The following PRKCA variants were observed in gnomAD, a reference collection of about 807,000 sequenced individuals.
PRKCA encodes protein kinase C alpha type.
PRKCA carries 27 observed loss-of-function variants against 87.0 expected under a neutral mutation model. The ratio of observed to expected loss-of-function variants is 0.31; its 90% CI spans 0.23 to 0.43. The LOEUF is 0.43. Among genes scored for constraint, PRKCA ranks in the 20% least tolerant of loss-of-function variants. The pLI is 1.00. For missense variants in PRKCA, 518 were observed against 852.3 expected (o/e 0.61, Z 4.88); for synonymous variants, 329 against 311.1 (o/e 1.06, Z -0.61).
intron 2 of PRKCA, among the ~76,000 whole-genome samples, chr17:66,470,151 T>C (rs2144010076): frequency 6.7e-6 from 1 of 149,816 alleles, no homozygotes; most frequent in East Asian, 2.0e-4. Context: ...TCCCCTGACA[T>C]ATTTCAGAGC....
chr17:66,565,341 A>G (rs1968856212), intron 3 of PRKCA, among the ~76,000 whole-genome samples: 1 of 152,110 alleles, frequency 6.6e-6, no homozygotes, highest in African/African-American at 2.4e-5. Flanking sequence ...TCTAAAGTTC[A>G]ATTTGCATTG....
intron 3 of PRKCA, among the ~76,000 whole-genome samples, chr17:66,603,305 G>A (rs1409133729): frequency 6.6e-6 from 1 of 152,158 alleles, no homozygotes; most frequent in Non-Finnish European, 1.5e-5. Flanking sequence ...AGGAGCCAGA[G>A]AACACTATCA....
At chr17:66,753,303 T>G (rs1817509984) in intron 13 of PRKCA, among the ~76,000 whole-genome samples, 1 of 152,288 alleles carries the variant, frequency 6.6e-6, no homozygotes, top group African/African-American at 2.4e-5. Context: ...GGAATTCCCT[T>G]CCAGGGCCTC....
intron 3 of PRKCA, among the ~76,000 whole-genome samples, chr17:66,615,343 G>A (rs760837179): frequency 8.5e-5 from 13 of 152,128 alleles, no homozygotes; most frequent in Non-Finnish European, 1.5e-4. Flanking sequence ...AGTGGATGTC[G>A]GGGTGGGTAG....
At chr17:66,478,136 G>T (rs1400688283) in intron 2 of PRKCA, among the ~76,000 whole-genome samples, 1 of 152,212 alleles carries the variant, frequency 6.6e-6, no homozygotes, top group Non-Finnish European at 1.5e-5. Flanking sequence ...TGGTAGATAA[G>T]AGGCAGAGAG....
In PRKCA at chr17:66,314,712, G is replaced by A. The variant is rs1035074626; in HGVS notation, c.205+8585G>A. ...CTCTGACTTGGACAAGCTTCCTCAA[G>A]TTTGAGGGGATGGGTCAATGAGGGT... On this transcript the variant is annotated intron_variant, in intron 2 of 16. Coordinates refer to ENST00000413366, the MANE Select transcript of PRKCA (RefSeq NM_002737.3). Among the ~76,000 whole-genome samples, 10 of 152,304 alleles carry A rather than the reference G, an allele frequency of 6.6e-5. No individual in the cohort carries two copies. In the East Asian group the frequency reaches 1.9e-3, roughly 29 times the overall value.
chr17:66,713,403 C>A (rs563611729), intron 8 of PRKCA, among the ~76,000 whole-genome samples: 4 of 152,146 alleles, frequency 2.6e-5, no homozygotes, highest in Non-Finnish European at 2.9e-5. Context: ...CCCGGTTGTA[C>A]ATTAGGTACA....
At chr17:66,713,384 T>G (rs1455204519) in intron 8 of PRKCA, among the ~76,000 whole-genome samples, 1 of 152,108 alleles carries the variant, frequency 6.6e-6, no homozygotes, top group Non-Finnish European at 1.5e-5. Context: ...CGGGCCCCAG[T>G]TGGGAGACCC....
intron 8 of PRKCA, among the ~76,000 whole-genome samples, chr17:66,720,524 G>A (rs1490676691): frequency 1.3e-5 from 2 of 152,188 alleles, no homozygotes; most frequent in South Asian, 2.1e-4. Flanking sequence ...TTTCTGCTTC[G>A]AAACACTTGA....
At chr17:66,610,516 C>T (rs1455082556) in intron 3 of PRKCA, among the ~76,000 whole-genome samples, 1 of 152,194 alleles carries the variant, frequency 6.6e-6, no homozygotes, top group Admixed American at 6.5e-5. Flanking sequence ...CACCCAGAGT[C>T]ACCCCATGAT....
intron 2 of PRKCA, among the ~76,000 whole-genome samples, chr17:66,377,735 T>A (rs1313012747): frequency 7.2e-6 from 1 of 138,554 alleles, no homozygotes; most frequent in Non-Finnish European, 1.6e-5. Flanking sequence ...TTTTTTTTTT[T>A]TTTTTTTGAG....
chr17:66,329,877 G>A (rs916896777), intron 2 of PRKCA, among the ~76,000 whole-genome samples: 15 of 152,124 alleles, frequency 9.9e-5, no homozygotes, highest in Admixed American at 9.2e-4. Context: ...GTCTTTGATC[G>A]AAATGTCGAT....
At chr17:66,473,544 A>G (rs1006679394) in intron 2 of PRKCA, among the ~76,000 whole-genome samples, 1 of 152,108 alleles carries the variant, frequency 6.6e-6, no homozygotes, top group Non-Finnish European at 1.5e-5. Context: ...CTGTTGTTCA[A>G]GTGTGTTGGT....
At chr17:66,641,561 A>G (rs1034790087) in intron 4 of PRKCA, 95 bp downstream of exon 4, 20 of 726,740 alleles carry the variant, frequency 2.8e-5, no homozygotes, top group Middle Eastern at 2.4e-4. Context: ...TTCAACACCA[A>G]CTCTTCAGTA....
chr17:66,619,375 C>A (rs538810492), intron 3 of PRKCA, among the ~76,000 whole-genome samples: 1 of 152,144 alleles, frequency 6.6e-6, no homozygotes, highest in Non-Finnish European at 1.5e-5. Flanking sequence ...AAGCCAAATG[C>A]GTAGATGATG....
intron 13 of PRKCA, among the ~76,000 whole-genome samples, chr17:66,769,042 C>G (rs1974872496): frequency 6.6e-6 from 1 of 152,100 alleles, no homozygotes; most frequent in Non-Finnish European, 1.5e-5. Context: ...AATGAGAATC[C>G]AGTGTATAAA....
chr17:66,778,076 G>C, intron 14 of PRKCA: 1 of 985,394 alleles, frequency 1.0e-6, no homozygotes, highest in Non-Finnish European at 1.2e-6. Flanking sequence ...TCCCTACTAA[G>C]CTCACGCCCC....
At chr17:66,496,369 G>C in intron 3 of PRKCA, 86 bp downstream of exon 3, 1 of 1,165,694 alleles carries the variant, frequency 8.6e-7, no homozygotes, top group Non-Finnish European at 1.3e-6. Flanking sequence ...GTTAGTTTTG[G>C]CACTTACTGT....
At chr17:66,754,388 G>T (rs1974504251) in intron 13 of PRKCA, among the ~76,000 whole-genome samples, 1 of 152,024 alleles carries the variant, frequency 6.6e-6, no homozygotes, top group African/African-American at 2.4e-5. Flanking sequence ...CGACAGTAAA[G>T]CAAGAGCCAG....
Sources: gnomAD v4.1 joint callset for allele counts (sites outside exome capture counted in the v4.1 genomes callset) on GRCh38, gnomAD v4.1.1 for gene constraint, MANE v1.5 for transcripts, NCBI Gene and HGNC (gene_info 2026-07-23, HGNC 2026-07-21) for gene names.